PDE3A: variants seen among roughly 807,000 people sequenced by gnomAD.
PDE3A encodes the protein phosphodiesterase 3A.
A neutral mutation model predicts 98.3 loss-of-function variants in PDE3A; 43 were observed. The ratio of observed to expected loss-of-function variants is 0.44; its 90% CI spans 0.34 to 0.56. The LOEUF is 0.56. Ranked by LOEUF, PDE3A falls within the 20% of genes least tolerant of loss-of-function variation. The pLI is 0.01. For missense variants in PDE3A, 1,427 were observed against 1,440.7 expected, an observed-to-expected ratio of 0.99 and a Z score of 0.15; for synonymous variants, 663 against 567.9, an observed-to-expected ratio of 1.17 and a Z score of -2.38.
intron 1 of PDE3A, among the ~76,000 whole-genome samples, chr12:20,454,174 C>G (rs1168820441): frequency 6.6e-6 from 1 of 152,166 alleles, no homozygotes. Flanking sequence ...CTGGCTCTTG[C>G]TTGAACCCGT....
chr12:20,541,722 C>CT (rs1006700957), intron 1 of PDE3A, among the ~76,000 whole-genome samples: 6 of 151,924 alleles, frequency 3.9e-5, no homozygotes, highest in Admixed American at 1.3e-4. Context: ...TGCAATAAAA[C>CT]TTTTTTCTGC....
chr12:20,426,813 A>G (rs1944608635), intron 1 of PDE3A, among the ~76,000 whole-genome samples: 2 of 152,206 alleles, frequency 1.3e-5, no homozygotes, highest in South Asian at 4.1e-4. Context: ...ATATGGCCGA[A>G]GCTTACATTC....
chr12:20,662,352 G>A (rs141801736), intron 15 of PDE3A, among the ~76,000 whole-genome samples: 75 of 152,202 alleles, frequency 4.9e-4, no homozygotes, highest in African/African-American at 1.8e-3. Context: ...GAGAACTGGA[G>A]TAAAAGTCAC....
At chr12:20,612,946 T>C (rs1310844245) in intron 2 of PDE3A, among the ~76,000 whole-genome samples, 1 of 151,948 alleles carries the variant, frequency 6.6e-6, no homozygotes, top group Admixed American at 6.6e-5. Flanking sequence ...AGTTTTTTTG[T>C]GTCTATCTCG....
At chr12:20,389,234 G>A (rs1186951057) in intron 1 of PDE3A, among the ~76,000 whole-genome samples, 1 of 151,946 alleles carries the variant, frequency 6.6e-6, no homozygotes, top group African/African-American at 2.4e-5. Context: ...TTCTGTGTGT[G>A]TGAGGAGGAA....
chr12:20,456,222 G>T (rs1013944939), intron 1 of PDE3A, among the ~76,000 whole-genome samples: 1 of 152,062 alleles, frequency 6.6e-6, no homozygotes, highest in African/African-American at 2.4e-5. Context: ...AAATAAGTTT[G>T]CTGAGTGACA....
chr12:20,674,651 G>A (rs1370372001), intron 15 of PDE3A, among the ~76,000 whole-genome samples: 1 of 151,938 alleles, frequency 6.6e-6, no homozygotes, highest in African/African-American at 2.4e-5. Context: ...GTCTATTTAG[G>A]TTTTCTATTT....
chr12:20,395,879 A>T (rs1478306676), intron 1 of PDE3A, among the ~76,000 whole-genome samples: 2 of 151,958 alleles, frequency 1.3e-5, no homozygotes, highest in Admixed American at 1.3e-4. Flanking sequence ...CCCTTTTAAA[A>T]TTTTTTATTC....
intron 1 of PDE3A, among the ~76,000 whole-genome samples, chr12:20,483,364 G>A (rs1317591254): frequency 2.6e-5 from 4 of 152,106 alleles, no homozygotes; most frequent in Admixed American, 1.3e-4. Flanking sequence ...ACTCCAGCCT[G>A]TTGACATAGC....
chr12:20,527,395 C>G (rs988102454), intron 1 of PDE3A, among the ~76,000 whole-genome samples: 3 of 152,056 alleles, frequency 2.0e-5, no homozygotes, highest in Admixed American at 2.0e-4. Context: ...AATAGTTGCC[C>G]CTTTTCCTTT....
intron 13 of PDE3A, among the ~76,000 whole-genome samples, chr12:20,650,183 A>G (rs1944883278): frequency 6.6e-6 from 1 of 152,138 alleles, no homozygotes; most frequent in South Asian, 2.1e-4. Flanking sequence ...TAAAATGTAT[A>G]ATTCAATTAT....
intron 1 of PDE3A, among the ~76,000 whole-genome samples, chr12:20,502,627 T>C (rs990330003): frequency 6.6e-6 from 1 of 152,246 alleles, no homozygotes; most frequent in African/African-American, 2.4e-5. Context: ...ATGGAATACA[T>C]GACTGAAAAA....
intron 1 of PDE3A, among the ~76,000 whole-genome samples, chr12:20,460,869 A>G (rs1342313809): frequency 6.6e-6 from 1 of 152,106 alleles, no homozygotes; most frequent in Admixed American, 6.6e-5. Flanking sequence ...AGCAAACACT[A>G]GCTTCCCTCA....
intron 2 of PDE3A, among the ~76,000 whole-genome samples, chr12:20,590,043 G>A (rs1388036395): frequency 6.6e-6 from 1 of 152,058 alleles, no homozygotes; most frequent in African/African-American, 2.4e-5. Flanking sequence ...ACATGGATGT[G>A]AAGGCCACTG....
chr12:20,628,113 G>T (rs935031833), intron 5 of PDE3A, among the ~76,000 whole-genome samples: 2 of 152,090 alleles, frequency 1.3e-5, no homozygotes, highest in African/African-American at 4.8e-5. Context: ...CTAATTATGA[G>T]CTATTAGAGA....
chr12:20,606,364 T>G (rs1289104745), intron 2 of PDE3A, among the ~76,000 whole-genome samples: 2 of 152,212 alleles, frequency 1.3e-5, no homozygotes, highest in Non-Finnish European at 1.5e-5. Flanking sequence ...GATACATGAT[T>G]TTATTTTACA....
intron 1 of PDE3A, among the ~76,000 whole-genome samples, chr12:20,500,589 A>T (rs1387030137): frequency 1.3e-5 from 2 of 151,322 alleles, no homozygotes; most frequent in African/African-American, 4.9e-5. Context: ...TTTTTTTTCT[A>T]TGTTTGTTAT....
chr12:20,646,653 T>A (rs1288025884), intron 11 of PDE3A, 50 bp downstream of exon 11: 1 of 1,367,516 alleles, frequency 7.3e-7, no homozygotes, highest in Middle Eastern at 1.8e-4. Context: ...GGAACAAGGG[T>A]GTTTTTGTTT....
At chr12:20,576,841 T>TCC (rs1219585976) in intron 2 of PDE3A, among the ~76,000 whole-genome samples, 7 of 152,062 alleles carry the variant, frequency 4.6e-5, no homozygotes, top group African/African-American at 1.7e-4. Context: ...ATGGAATGTG[T>TCC]CCAGTTGACA....
Sources: allele counts gnomAD v4.1 joint callset (sites outside exome capture counted in the v4.1 genomes callset), GRCh38; gene constraint gnomAD v4.1.1; transcripts MANE v1.5; gene names NCBI Gene and HGNC (gene_info 2026-07-23, HGNC 2026-07-21).